Variants in NTRK1 observed in about 807,000 individuals in gnomAD.
The protein encoded by NTRK1 is high affinity nerve growth factor receptor.
A neutral mutation model predicts 86.8 loss-of-function variants in NTRK1; 62 were observed. The observed-to-expected ratio is 0.71, with a 90% CI of 0.58 to 0.88. The LOEUF is 0.88. NTRK1 is among the 40% of genes least tolerant of loss of function. The pLI is 0.00. For missense variants in NTRK1, 967 were observed against 1,078.4 expected, an observed-to-expected ratio of 0.90 and a Z score of 1.45; for synonymous variants, 469 against 456.6, an observed-to-expected ratio of 1.03 and a Z score of -0.35.
At chr1:156,845,808 C>G in intron 2 of NTRK1, 2 of 1,612,242 alleles carry the variant, frequency 1.2e-6, no homozygotes, top group Non-Finnish European at 1.7e-6. Context: ...GGTGGGCAGC[C>G]GCAAGCCTGG....
intron 16 of NTRK1, 23 bp from the exon 17 acceptor site, chr1:156,881,434 C>T (rs1297645452): frequency 2.6e-6 from 4 of 1,551,830 alleles, no homozygotes; most frequent in Non-Finnish European, 3.5e-6. Context: ...GGGCTTTCTC[C>T]TCTGTCTCTC....
chr1:156,841,823 GT>G (rs1296107011), intron 1 of NTRK1: 1 of 1,614,126 alleles, frequency 6.2e-7, no homozygotes, highest in Non-Finnish European at 8.5e-7. Context: ...GGTGGAGGAG[GT>G]GTGGGGCATA....
In NTRK1 at chr1:156,816,741, G is replaced by A. The variant is rs543669621; in HGVS notation, c.-64+903G>A. 4.3e-5 allele frequency: 68 copies of A among 1,564,610 alleles called. No individual in the cohort carries two copies. In the South Asian group the frequency reaches 6.8e-4, roughly 16 times the overall value. Reference sequence around the variant, plus strand: ...GCCTCACAAGGGATCCCAGAGCAGGGTGTGTGTATGTGTTCCGGAAAGGTG... The same window carrying A: ...GCCTCACAAGGGATCCCAGAGCAGGATGTGTGTATGTGTTCCGGAAAGGTG... On this transcript the variant is annotated intron_variant, in intron 1 of 16. Coordinates refer to the NTRK1 transcript ENST00000392302.
intron 2 of NTRK1, chr1:156,851,987 GCACAGCGCTCAGCTGTGA>G (rs1655230420): frequency 6.2e-7 from 1 of 1,611,054 alleles, no homozygotes; most frequent in Non-Finnish European, 8.5e-7. Context: ...GTGCAGGCTG[GCACAGCGCTCAGCTGTGA>G]CACAGCGCCA....
intron 2 of NTRK1, among the ~76,000 whole-genome samples, chr1:156,847,364 C>T (rs936653217): frequency 6.6e-6 from 1 of 152,200 alleles, no homozygotes; most frequent in Non-Finnish European, 1.5e-5. Flanking sequence ...TGCCTGAAGG[C>T]CAGTTTCGGG....
chr1:156,866,392 T>C (rs183383717), intron 3 of NTRK1, among the ~76,000 whole-genome samples: 20 of 152,288 alleles, frequency 1.3e-4, no homozygotes, highest in African/African-American at 4.8e-4. Flanking sequence ...TGTGGGTCCT[T>C]TCCTGCCTGA....
chr1:156,846,124 G>A lies in NTRK1; in HGVS notation c.50+3931G>A, dbSNP rs189068345. The A allele has an allele frequency of 2.8e-4, 446 of 1,586,250 alleles. 1 individual carries two copies. In the African/African-American group the frequency reaches 5.5e-3, roughly 20 times the overall value. ...CGTCTTGGGGCACCGTGGGAGCTAG[G>A]AGTGCGAGAAGGATGCAACTCAGGG... is the stretch of plus-strand genomic sequence containing the variant. On this transcript the variant is annotated intron_variant, in intron 2 of 16. Transcript: ENST00000392302.
chr1:156,854,145 A>C lies in NTRK1; in HGVS notation c.51-10209A>C. 1 of 1,614,164 alleles carries C rather than the reference A, an allele frequency of 6.2e-7. No individual in the cohort carries two copies. Among genetic ancestry groups the C allele is most frequent in the Non-Finnish European group, 8.5e-7 (1 of 1,180,036 alleles). ...CCGTAGACACGGAAGAGCAGCAGGT[A>C]GTCGGTGACCTGGGTGAGGCGAGGG... On this transcript the variant is annotated intron_variant, in intron 2 of 16. Transcript: ENST00000392302. This position sits in a 1 kb window ranked among gnomAD's most constrained non-coding sequence, Gnocchi z 4.2.
At chr1:156,880,307 C>T (rs1440226738) in intron 16 of NTRK1, 150 bp downstream of exon 16, 13 of 761,160 alleles carry the variant, frequency 1.7e-5, no homozygotes, top group Non-Finnish European at 2.6e-5. Flanking sequence ...TGTGTCCCCT[C>T]CACTGTGGCC....
At chr1:156,872,591 TTA>T (rs536165913) in intron 7 of NTRK1, among the ~76,000 whole-genome samples, 59 of 150,664 alleles carry the variant, frequency 3.9e-4, no homozygotes, top group South Asian at 2.1e-3. Flanking sequence ...GAATGCTATA[TTA>T]TATATATATA....
chr1:156,845,584 A>C (rs1173734344), intron 2 of NTRK1: 1 of 1,275,530 alleles, frequency 7.8e-7, no homozygotes, highest in Non-Finnish European at 1.0e-6. Context: ...GGCCCCACTC[A>C]TCAGACCCTC....
chr1:156,815,839 G>T lies in NTRK1; in HGVS notation c.-64+1G>T. On this transcript the variant is annotated splice_donor_variant, in intron 1 of 16. Coordinates refer to the NTRK1 transcript ENST00000392302. LOFTEE classifies it low-confidence loss of function (5UTR_SPLICE). Reference sequence around the variant, plus strand: ...GTGGGCAACTCGGCGCATGAAGGAGGTACTCCTCATTTTCGTTCTCTCTCT... The same window carrying T: ...GTGGGCAACTCGGCGCATGAAGGAGTTACTCCTCATTTTCGTTCTCTCTCT... The T allele has an allele frequency of 6.2e-7, 1 of 1,613,428 alleles. No individual in the cohort carries two copies. Among genetic ancestry groups the T allele is most frequent in the Non-Finnish European group, 8.5e-7 (1 of 1,179,430 alleles).
intron 5 of NTRK1, 107 bp from the exon 6 acceptor site, chr1:156,868,398 G>A: frequency 6.5e-7 from 1 of 1,537,500 alleles, no homozygotes; most frequent in Non-Finnish European, 8.8e-7. Flanking sequence ...CATCGCCTGG[G>A]CTCCAGGTCA....
At chr1:156,874,347 C>T (rs1647761829) in intron 8 of NTRK1, 36 bp from the exon 9 acceptor site, 2 of 1,613,936 alleles carry the variant, frequency 1.2e-6, no homozygotes, top group Non-Finnish European at 1.7e-6. Context: ...TTTCTCTCCT[C>T]CCTCTGACTG....
At position 156,879,126 on chromosome 1, in the gene NTRK1, C is replaced by T. The variant is rs6336; in HGVS notation, c.1810C>T (p.His604Tyr). ...CTCTCCTTTTCTTGTTCACAGATCC[C>T]ATGGACCTGATGCCAAGCTGCTGGC... ...HGDLNRFLRS[H>Y]GPDAKLLAGG... Residue 604 changes from histidine to tyrosine, a missense_variant, in exon 15 of 17, where the codon CAT (histidine) becomes TAT (tyrosine). By Grantham distance (83) the His-to-Tyr change is moderately conservative (BLOSUM62 2). Transcript: ENST00000524377. 0.053 allele frequency: 85,958 copies of T among 1,613,612 alleles called. 2,658 individuals are homozygous for T. The highest frequency in any genetic ancestry group is 0.06 in the Non-Finnish European group (71,073 of 1,179,814).
chr1:156,861,636 A>G (rs1655657737), intron 1 of NTRK1, among the ~76,000 whole-genome samples: 1 of 152,154 alleles, frequency 6.6e-6, no homozygotes, highest in South Asian at 2.1e-4. Context: ...GCTGGCTGGC[A>G]TTGGTGGGAG....
At chr1:156,872,232 A>T (rs887623869) in intron 7 of NTRK1, among the ~76,000 whole-genome samples, 21 of 152,118 alleles carry the variant, frequency 1.4e-4, no homozygotes, top group Admixed American at 1.0e-3. Flanking sequence ...ATGTGCAAAA[A>T]ATATATATAT....
intron 3 of NTRK1, among the ~76,000 whole-genome samples, chr1:156,866,577 C>T (rs1384867574): frequency 6.6e-6 from 1 of 152,186 alleles, no homozygotes; most frequent in Non-Finnish European, 1.5e-5. Context: ...CCCCTTCCCC[C>T]AGCTGTGGCC....
chr1:156,853,798 G>T, intron 2 of NTRK1: 3 of 1,611,104 alleles, frequency 1.9e-6, no homozygotes, highest in African/African-American at 1.3e-5. Flanking sequence ...CAGTGTGCCC[G>T]CTGAAGGTGG....
Sources: allele counts gnomAD v4.1 joint callset (sites outside exome capture counted in the v4.1 genomes callset), GRCh38; gene constraint gnomAD v4.1.1; non-coding constraint Gnocchi (gnomAD v3.1); transcripts MANE v1.5; gene names NCBI Gene and HGNC (gene_info 2026-07-23, HGNC 2026-07-21).